Variants in PRCD observed in about 807,000 individuals in gnomAD.
PRCD encodes the protein photoreceptor disk component PRCD.
In PRCD, 12 loss-of-function variants were observed where a neutral mutation model predicts 10.1. The observed-to-expected ratio is 1.18, with a 90% confidence interval of 0.76 to 1.92. PRCD has a LOEUF of 1.92. Among genes scored for constraint, PRCD ranks in the 40% most tolerant of loss-of-function variants. The pLI, the probability that PRCD is intolerant of heterozygous loss-of-function variation, is 0.00. For synonymous variants in PRCD, 31 were observed against 26.2 expected (o/e 1.18, Z -0.56); for missense variants, 61 against 72.2 (o/e 0.84, Z 0.56).
In PRCD at chr17:76,528,005, CTT is replaced by C; in HGVS notation, n.45+174_45+175del. The C allele has an allele frequency of 5.5e-6, 2 of 362,334 alleles. No individual in the cohort carries two copies. Among genetic ancestry groups the C allele is most frequent in the South Asian group, 4.1e-5 (2 of 48,376 alleles). The allele number at this position is 362,334 out of a possible 1,614,324, so 22.4% of individuals were successfully genotyped here. Reference sequence around the variant, plus strand: ...CCTCTGCGCTGCTGTGGGATTTCCTCTTTGCCAGAACACTCTGTTCTCTGCAC... The same window carrying C: ...CCTCTGCGCTGCTGTGGGATTTCCTCTGCCAGAACACTCTGTTCTCTGCAC... On this transcript the variant is annotated intron_variant and non_coding_transcript_variant, in intron 1 of 4. Transcript: ENST00000397633. The surrounding 1 kb of genome is among the most constrained non-coding windows in gnomAD (Gnocchi z 5.8).
At chr17:76,552,934 T>C (rs1035403515) in intron 1 of PRCD, 1 of 144,338 alleles carries the variant, frequency 6.9e-6, no homozygotes, top group Admixed American at 6.8e-5. Flanking sequence ...TATGTGTATA[T>C]ATATGTATAC....
At chr17:76,542,412 A>T in intron 2 of PRCD, 141 bp from the exon 3 acceptor site, 1 of 964,932 alleles carries the variant, frequency 1.0e-6, no homozygotes. Flanking sequence ...CACTGTCCTA[A>T]ATGCCAACTG....
downstream of PRCD, among the ~76,000 whole-genome samples, chr17:76,547,710 CACAG>C (rs961376754): frequency 1.7e-4 from 26 of 150,790 alleles, no homozygotes; most frequent in African/African-American, 5.9e-4. Flanking sequence ...GACACACACA[CACAG>C]AGACACATAC....
intron 1 of PRCD, chr17:76,529,984 C>T: frequency 1.0e-6 from 1 of 985,310 alleles, no homozygotes; most frequent in African/African-American, 1.7e-5. Flanking sequence ...GCCTGGCGTC[C>T]CCAGCTGCCC....
rs748209244 is a variant in PRCD at position 76,531,356 on chromosome 17, G to A, written n.45+3523G>A. ...TGCCCCTCCCTCTCGCAGCCACTCC[G>A]GGGATCACCTCTGTTGCTCCAGAGA... On this transcript the variant is annotated intron_variant and non_coding_transcript_variant, in intron 1 of 4. Coordinates refer to the PRCD transcript ENST00000397633. This position sits in a 1 kb window ranked among gnomAD's most constrained non-coding sequence, Gnocchi z 7.4. The A allele has an allele frequency of 7.1e-6, 10 of 1,411,128 alleles. No individual in the cohort carries two copies. The highest frequency in any genetic ancestry group is 2.2e-4 in the Middle Eastern group (1 of 4,546). The allele number at this position is 1,411,128 out of a possible 1,614,324, so 87.4% of individuals were successfully genotyped here. A position where few individuals can be genotyped will look rare whatever the true frequency, so the allele number is the denominator to read the frequency against.
chr17:76,542,256 G>A (rs749758024), intron 2 of PRCD, among the ~76,000 whole-genome samples: 8 of 152,170 alleles, frequency 5.3e-5, no homozygotes, highest in Non-Finnish European at 4.4e-5. Context: ...CTGGCCTGGC[G>A]TGACTTAGCC....
At chr17:76,536,961 G>A (rs2074921755), upstream of PRCD, among the ~76,000 whole-genome samples, 2 of 152,186 alleles carry the variant, frequency 1.3e-5, no homozygotes. Flanking sequence ...CCCGCAAGCC[G>A]CTGAGCTGGA....
At position 76,528,579 on chromosome 17, in the gene PRCD, T is replaced by C. The variant is rs755463734; in HGVS notation, n.45+746T>C. The C allele has an allele frequency of 6.2e-6, 8 of 1,287,078 alleles. No homozygotes were observed. Among genetic ancestry groups the C allele is most frequent in the Non-Finnish European group, 6.9e-6 (7 of 1,009,520 alleles). 79.7% of individuals were successfully genotyped at this position (1,287,078 alleles called of 1,614,324 possible). A position where few individuals can be genotyped will look rare whatever the true frequency, so the allele number is the denominator to read the frequency against. On this transcript the variant is annotated intron_variant and non_coding_transcript_variant, in intron 1 of 4. Transcript: ENST00000397633. This position sits in a 1 kb window ranked among gnomAD's most constrained non-coding sequence, Gnocchi z 5.8. ...GGGAGGGGGGTGGAGTTAGGGGTCC[T>C]ACGGCCCCGAAGAGGGCAGTGTGGC...
intron 2 of PRCD, among the ~76,000 whole-genome samples, chr17:76,542,052 T>G (rs2074998094): frequency 6.6e-6 from 1 of 152,154 alleles, no homozygotes; most frequent in South Asian, 2.1e-4. Flanking sequence ...GACATGTGTT[T>G]TTAATCTTTG....
rs2074873761 is a variant in PRCD, at chr17:76,533,507, T to C, written n.45+5674T>C. 6.6e-6 allele frequency among the ~76,000 whole-genome samples: 1 copy of C among 152,178 alleles called. No homozygotes were observed. The highest frequency in any genetic ancestry group is 1.5e-5 in the Non-Finnish European group (1 of 68,022). On this transcript the variant is annotated intron_variant and non_coding_transcript_variant, in intron 1 of 4. Coordinates refer to the PRCD transcript ENST00000397633. The surrounding 1 kb of genome is among the most constrained non-coding windows in gnomAD (Gnocchi z 4.5). ...TACGAGGCCGAGGCGGGTGGATTGC[T>C]TGAGCTCAGGCATTTGAGACCAGCC...
chr17:76,541,504 C>T (rs2074993280), intron 2 of PRCD, among the ~76,000 whole-genome samples: 1 of 152,132 alleles, frequency 6.6e-6, no homozygotes, highest in South Asian at 2.1e-4. Context: ...AAACTGGCAA[C>T]CGAGAGAACT....
chr17:76,531,976 T>C lies in PRCD; in HGVS notation n.45+4143T>C, dbSNP rs1175027848. On this transcript the variant is annotated intron_variant and non_coding_transcript_variant, in intron 1 of 4. Transcript: ENST00000397633. The surrounding 1 kb of genome is among the most constrained non-coding windows in gnomAD (Gnocchi z 7.4). ...CTCGCTTCTTGCTTCCTTCCCAAAC[T>C]CTACACCCCCTTCAAGCCCTGCTCT... The C allele has an allele frequency of 3.3e-5, 11 of 337,696 alleles. No individual in the cohort carries two copies. The East Asian group carries it at 5.6e-4, about 17-fold the overall frequency. 20.9% of individuals were successfully genotyped at this position (337,696 alleles called of 1,614,324 possible). A position where few individuals can be genotyped will look rare whatever the true frequency, so the allele number is the denominator to read the frequency against.
rs144056543 is a variant in PRCD, at chr17:76,531,524, G to C, written n.45+3691G>C. ...GGCTTTCCCCACAAGGGCGAGCACA[G>C]AGGACACCTTGTCGGGGTCATGCAG... On this transcript the variant is annotated intron_variant and non_coding_transcript_variant, in intron 1 of 4. Coordinates refer to the PRCD transcript ENST00000397633. The surrounding 1 kb of genome is among the most constrained non-coding windows in gnomAD (Gnocchi z 7.4). The C allele has an allele frequency of 2.0e-4, 324 of 1,614,012 alleles. No homozygotes were observed. The highest frequency in any genetic ancestry group is 2.5e-4 in the Non-Finnish European group (294 of 1,179,944).
At position 76,528,206 on chromosome 17, in the gene PRCD, G is replaced by A. The variant is rs1159112846; in HGVS notation, n.45+373G>A. 1 of 398,048 alleles carries A rather than the reference G, an allele frequency of 2.5e-6. No individual in the cohort carries two copies. Among genetic ancestry groups the A allele is most frequent in the Admixed American group, 4.4e-5 (1 of 22,796 alleles). 24.7% of individuals were successfully genotyped at this position (398,048 alleles called of 1,614,324 possible). A position where few individuals can be genotyped will look rare whatever the true frequency, so the allele number is the denominator to read the frequency against. On this transcript the variant is annotated intron_variant and non_coding_transcript_variant, in intron 1 of 4. Coordinates refer to the PRCD transcript ENST00000397633. This position sits in a 1 kb window ranked among gnomAD's most constrained non-coding sequence, Gnocchi z 5.8. Reference sequence around the variant, plus strand: ...TGGTAGATGTGTGCGTGATACTCTAGATGGTGATGTGGAGACCTGCATGCT... The same window carrying A: ...TGGTAGATGTGTGCGTGATACTCTAAATGGTGATGTGGAGACCTGCATGCT...
In PRCD at chr17:76,530,843, G is replaced by A; in HGVS notation, n.45+3010G>A. On this transcript the variant is annotated intron_variant and non_coding_transcript_variant, in intron 1 of 4. Coordinates refer to the PRCD transcript ENST00000397633. The surrounding 1 kb of genome is among the most constrained non-coding windows in gnomAD (Gnocchi z 6.1). ...CTATTATGCCTGTTCTTACATGTCA[G>A]ACCCCAGGGTTGGCCTGCCTCAAGT... The A allele has an allele frequency of 1.1e-6, 1 of 933,232 alleles. No homozygotes were observed. 57.8% of individuals were successfully genotyped at this position (933,232 alleles called of 1,614,324 possible).
In PRCD at chr17:76,531,538, G is replaced by C. The variant is rs376396725; in HGVS notation, n.45+3705G>C. On this transcript the variant is annotated intron_variant and non_coding_transcript_variant, in intron 1 of 4. Coordinates refer to the PRCD transcript ENST00000397633. The surrounding 1 kb of genome is among the most constrained non-coding windows in gnomAD (Gnocchi z 7.4). ...GGGCGAGCACAGAGGACACCTTGTC[G>C]GGGTCATGCAGGTTCTCCACGACAG... 2.2e-5 allele frequency: 35 copies of C among 1,614,016 alleles called. No homozygotes were observed. The highest frequency in any genetic ancestry group is 3.0e-5 in the Non-Finnish European group (35 of 1,179,978).
chr17:76,542,662 C>A lies in PRCD; in HGVS notation c.*59+29C>A, dbSNP rs544637690. 318 of 1,459,544 alleles carry A rather than the reference C, an allele frequency of 2.2e-4. 5 individuals carry two copies. The South Asian group carries it at 3.4e-3, about 16-fold the overall frequency. 90.4% of individuals were successfully genotyped at this position (1,459,544 alleles called of 1,614,324 possible). On this transcript the variant is annotated intron_variant, in intron 3 of 4. Transcript: ENST00000592014. ...GGGCAGGGCTGGGAGCCGGGGAGGGCAGAGGGCAAGGCTTGGGACAGGCAG... is the reference window on the plus strand; with the variant it reads ...GGGCAGGGCTGGGAGCCGGGGAGGGAAGAGGGCAAGGCTTGGGACAGGCAG...
At position 76,533,735 on chromosome 17, in the gene PRCD, G is replaced by GATAATA. The variant is rs902400467; in HGVS notation, n.45+5913_45+5918dup. Among the ~76,000 whole-genome samples, 1 of 151,324 alleles carries GATAATA rather than the reference G, an allele frequency of 6.6e-6. No individual in the cohort carries two copies. The highest frequency in any genetic ancestry group is 1.9e-4 in the East Asian group (1 of 5,134). ...GAGACCCTGAATCCAAAGAAATAAT[G>GATAATA]ATAATAATAATAATAAAAGGTCAGG... On this transcript the variant is annotated intron_variant and non_coding_transcript_variant, in intron 1 of 4. Transcript: ENST00000397633. This position sits in a 1 kb window ranked among gnomAD's most constrained non-coding sequence, Gnocchi z 4.5.
intron 2 of PRCD, among the ~76,000 whole-genome samples, chr17:76,541,721 C>T (rs538270342): frequency 1.4e-4 from 22 of 152,298 alleles, no homozygotes; most frequent in African/African-American, 5.1e-4. Context: ...ACCCCTGGGC[C>T]TCCCCCGATA....
Sources: gnomAD v4.1 joint callset for allele counts (sites outside exome capture counted in the v4.1 genomes callset) on GRCh38, gnomAD v4.1.1 for gene constraint, Gnocchi (gnomAD v3.1) non-coding constraint, MANE v1.5 for transcripts, NCBI Gene and HGNC (gene_info 2026-07-23, HGNC 2026-07-21) for gene names.